ARHGEF3: variants seen among roughly 807,000 people sequenced by gnomAD.
ARHGEF3 encodes the protein 59.8 kDA protein.
Under a neutral mutation model 63.2 loss-of-function variants are expected in ARHGEF3, and 28 were observed. The ratio of observed to expected loss-of-function variants is 0.44; its 90% CI spans 0.33 to 0.61. The LOEUF (loss-of-function observed/expected upper bound fraction) is 0.61. Ranked by LOEUF, ARHGEF3 falls within the 20% of genes least tolerant of loss-of-function variation. The pLI, the probability that ARHGEF3 is intolerant of heterozygous loss-of-function variation, is 0.03. For missense variants in ARHGEF3, 533 were observed against 659.3 expected (o/e 0.81, Z 2.10); for synonymous variants, 266 against 254.2 (o/e 1.05, Z -0.44).
chr3:57,072,356 A>G (rs572636117), intron 1 of ARHGEF3, among the ~76,000 whole-genome samples: 39 of 152,204 alleles, frequency 2.6e-4, no homozygotes, highest in African/African-American at 8.4e-4. Flanking sequence ...AAGAGAGGAG[A>G]AATGTATACG....
At chr3:56,916,204 A>C (rs2041983550) in intron 3 of ARHGEF3, 1 of 1,397,218 alleles carries the variant, frequency 7.2e-7, no homozygotes, top group East Asian at 2.6e-5. Flanking sequence ...TGGAAGGTAA[A>C]GAGAACACTG....
upstream of ARHGEF3, among the ~76,000 whole-genome samples, chr3:56,803,947 T>C (rs2037772552): frequency 1.3e-5 from 2 of 151,666 alleles, 1 homozygote; most frequent in Non-Finnish European, 2.9e-5. Context: ...TGTAGTGGCA[T>C]GATCTTGGCT....
intron 2 of ARHGEF3, among the ~76,000 whole-genome samples, chr3:57,029,750 TG>T (rs1703654517): frequency 6.6e-6 from 1 of 152,202 alleles, no homozygotes; most frequent in African/African-American, 2.4e-5. Flanking sequence ...GGAATGCTGA[TG>T]GGATCTCCAA....
chr3:56,884,383 A>C (rs2040856622), intron 3 of ARHGEF3, among the ~76,000 whole-genome samples: 1 of 152,278 alleles, frequency 6.6e-6, no homozygotes, highest in African/African-American at 2.4e-5. Context: ...ACAGATGGGG[A>C]AGATATTGGG....
At chr3:57,026,275 C>A (rs979394832) in intron 2 of ARHGEF3, among the ~76,000 whole-genome samples, 6 of 152,064 alleles carry the variant, frequency 3.9e-5, no homozygotes, top group African/African-American at 1.2e-4. Context: ...GTGGTGCAAG[C>A]CTGTAGTCCC....
At chr3:57,055,310 T>A (rs1704874110) in intron 1 of ARHGEF3, among the ~76,000 whole-genome samples, 1 of 151,686 alleles carries the variant, frequency 6.6e-6, no homozygotes, top group Non-Finnish European at 1.5e-5. Context: ...TACAGGCGCA[T>A]GCCACCAAGC....
intron 2 of ARHGEF3, among the ~76,000 whole-genome samples, chr3:56,992,386 A>G (rs867614505): frequency 1.0e-5 from 1 of 99,302 alleles, no homozygotes; most frequent in African/African-American, 5.7e-5. Context: ...AAAAAAAAAA[A>G]AAAAAAAAAA....
Position 57,042,669 on chromosome 3 carries a change from TATATATATATATATATATATATA to T in ARHGEF3, c.-27-7516_-27-7494del, listed in dbSNP as rs1560155909. Among the ~76,000 whole-genome samples the T allele has an allele frequency of 6.8e-3, 97 of 14,282 alleles. 2 individuals are homozygous for T. The highest frequency in any genetic ancestry group is 0.034 in the African/African-American group (91 of 2,642). The allele number at this position is 14,282 out of a possible 152,430, so 9.4% of individuals were successfully genotyped here. A position where few individuals can be genotyped will look rare whatever the true frequency, so the allele number is the denominator to read the frequency against. On this transcript the variant is annotated intron_variant, in intron 1 of 12. Transcript: ENST00000338458. ...GTACATAAATATATATATATATATATATATATATATATATATATATATATATATATATTTTTTTTTTTTTTTAG... is the reference window on the plus strand; with the variant it reads ...GTACATAAATATATATATATATATATTATATATATTTTTTTTTTTTTTTAG...
At chr3:56,951,071 T>C (rs954036856) in intron 3 of ARHGEF3, among the ~76,000 whole-genome samples, 10 of 151,546 alleles carry the variant, frequency 6.6e-5, no homozygotes, top group South Asian at 2.1e-4. Context: ...TAGGTGGGAA[T>C]TGAACAATGA....
At chr3:56,856,070 G>A (rs1433745346) in intron 4 of ARHGEF3, among the ~76,000 whole-genome samples, 2 of 152,198 alleles carry the variant, frequency 1.3e-5, no homozygotes, top group African/African-American at 4.8e-5. Flanking sequence ...TGCCGCAGAG[G>A]AGGAAGATGT....
At chr3:56,758,048 C>T (rs542710846) in intron 2 of ARHGEF3, among the ~76,000 whole-genome samples, 706 of 150,464 alleles carry the variant, frequency 4.7e-3, no homozygotes, top group African/African-American at 0.016. Flanking sequence ...GAGGCTGAGG[C>T]GGGCGGATCA....
Position 57,035,129 on chromosome 3 carries a change from C to T in ARHGEF3, c.21G>A (p.Met7Ile), listed in dbSNP as rs565212235. The change falls in exon 2 of 13, where the codon ATG becomes ATA. Residue 7 changes from methionine to isoleucine, a missense_variant. Transcript: ENST00000338458. ...CCATTCCTCTACAGCTGCATTGATT[C>T]ATTGCTGTGGAACTGTCCATAGACT... The T allele has an allele frequency of 3.9e-6, 6 of 1,548,952 alleles. No homozygotes were observed. In the African/African-American group the frequency reaches 8.2e-5, roughly 21 times the overall value.
intron 2 of ARHGEF3, chr3:57,007,355 T>A: frequency 7.8e-7 from 1 of 1,289,780 alleles, no homozygotes; most frequent in Non-Finnish European, 1.0e-6. Context: ...AAGACAGCCA[T>A]GAAACAGTCA....
chr3:57,058,905 C>T (rs558657208), intron 1 of ARHGEF3, among the ~76,000 whole-genome samples: 13 of 149,510 alleles, frequency 8.7e-5, no homozygotes, highest in African/African-American at 2.7e-4. Context: ...AGAAACCAAA[C>T]ACCGCATGTT....
At chr3:57,068,114 G>A (rs774709896) in intron 1 of ARHGEF3, among the ~76,000 whole-genome samples, 9 of 151,928 alleles carry the variant, frequency 5.9e-5, no homozygotes, top group African/African-American at 7.3e-5. Context: ...CACTAGACAC[G>A]CATAGGGTAA....
chr3:56,972,374 G>C (rs192717633), intron 2 of ARHGEF3, among the ~76,000 whole-genome samples: 1 of 152,198 alleles, frequency 6.6e-6, no homozygotes, highest in African/African-American at 2.4e-5. Context: ...TTCACACCAA[G>C]TACATAATAA....
chr3:57,023,421 T>C (rs1223619165), intron 2 of ARHGEF3, among the ~76,000 whole-genome samples: 3 of 152,258 alleles, frequency 2.0e-5, no homozygotes, highest in Admixed American at 2.0e-4. Flanking sequence ...AGCTGGTTAC[T>C]TAGCCCTGAG....
In ARHGEF3 at chr3:56,773,704, C is replaced by T; in HGVS notation, c.204+5G>A. On this transcript the variant is annotated splice_donor_5th_base_variant and intron_variant, in intron 2 of 9. Transcript: ENST00000296315. ...GCAACCACAGGCCCTGTGTGCCCTTCTTACCTGCAGGGTTTGACTGAAGCG... is the reference window on the plus strand; with the variant it reads ...GCAACCACAGGCCCTGTGTGCCCTTTTTACCTGCAGGGTTTGACTGAAGCG... The T allele has an allele frequency of 6.4e-7, 1 of 1,574,576 alleles. No homozygotes were observed. Among genetic ancestry groups the T allele is most frequent in the African/African-American group, 1.4e-5 (1 of 72,172 alleles).
At chr3:56,864,443 C>G (rs1159760262) in intron 4 of ARHGEF3, among the ~76,000 whole-genome samples, 2 of 152,222 alleles carry the variant, frequency 1.3e-5, no homozygotes, top group Non-Finnish European at 2.9e-5. Flanking sequence ...CTTCCTTGGC[C>G]TTTCATGACT....
Sources: gnomAD v4.1 joint callset for allele counts (sites outside exome capture counted in the v4.1 genomes callset) on GRCh38, gnomAD v4.1.1 for gene constraint, MANE v1.5 for transcripts, NCBI Gene and HGNC (gene_info 2026-07-23, HGNC 2026-07-21) for gene names.